PC: variants seen among roughly 807,000 people sequenced by gnomAD.
The protein encoded by PC is pyruvate carboxylase, mitochondrial.
In PC, 46 loss-of-function variants were observed where a neutral mutation model predicts 107.8. The ratio of observed to expected loss-of-function variants is 0.43; its 90% CI spans 0.34 to 0.55. The LOEUF is 0.55. Among genes scored for constraint, PC ranks in the 20% least tolerant of loss-of-function variants. The pLI, the probability that PC is intolerant of heterozygous loss-of-function variation, is 0.04. For missense variants in PC, 1,241 were observed against 1,643.1 expected, an observed-to-expected ratio of 0.76 and a Z score of 4.23; for synonymous variants, 662 against 684.7, an observed-to-expected ratio of 0.97 and a Z score of 0.52.
chr11:66,891,424 G>C (rs1591236650), intron 3 of PC, among the ~76,000 whole-genome samples: 1 of 149,384 alleles, frequency 6.7e-6, no homozygotes, highest in East Asian at 2.0e-4. Context: ...ACAGAGTTTT[G>C]CTCTTGTTGC....
chr11:66,873,424 T>TA (rs1946825792), intron 3 of PC, among the ~76,000 whole-genome samples: 2 of 84,174 alleles, frequency 2.4e-5, no homozygotes, highest in Non-Finnish European at 4.1e-5. Flanking sequence ...ATATAATATA[T>TA]TATATATATT....
chr11:66,952,527 C>G (rs954300019), intron 2 of PC, 59 bp from the exon 3 acceptor site: 4 of 152,240 alleles, frequency 2.6e-5, no homozygotes, highest in African/African-American at 9.7e-5. Flanking sequence ...CCAGAGAAAA[C>G]AGGAGTGGCA....
At position 66,849,854 on chromosome 11, in the gene PC, C is replaced by T; in HGVS notation, c.2904G>A (p.Leu968=). The part of the protein sequence containing the change: ...GFPEPFRSKV[L]KDLPRVEGRP... ...GCCCCTCCACCCTTGGCAGGTCCTT[C>T]AGTACCTGGGGAGCAAAGCAGAGGA... The change falls in exon 21 of 23, where the codon CTG becomes CTA. Residue 968 remains leucine (L), a synonymous_variant. Coordinates refer to ENST00000393960, the MANE Select transcript of PC (RefSeq NM_001040716.2). 6.2e-7 allele frequency: 1 copy of T among 1,613,746 alleles called. No individual in the cohort carries two copies. The highest frequency in any genetic ancestry group is 8.5e-7 in the Non-Finnish European group (1 of 1,180,022).
chr11:66,859,575 G>T, intron 12 of PC: 6 of 1,602,552 alleles, frequency 3.7e-6, no homozygotes, highest in Non-Finnish European at 5.1e-6. Flanking sequence ...GCACGGGAGT[G>T]GGGAGGTGAG....
chr11:66,863,716 G>C (rs45571833), intron 12 of PC, 58 bp downstream of exon 12: 9 of 1,541,484 alleles, frequency 5.8e-6, no homozygotes, highest in Middle Eastern at 2.2e-4. Flanking sequence ...GGAAGTGAAC[G>C]GTCAGGGGGC....
chr11:66,878,873 G>A (rs1947080695), intron 3 of PC, among the ~76,000 whole-genome samples: 1 of 152,302 alleles, frequency 6.6e-6, no homozygotes, highest in African/African-American at 2.4e-5. Flanking sequence ...ACAGCCCAGC[G>A]CAGGCCCACA....
chr11:66,873,484 A>T lies in PC; in HGVS notation c.1-1325T>A, dbSNP rs866359901. The stretch of plus-strand genomic sequence containing the variant: ...TATATTATATATAATATAATATATA[A>T]TATTATATATATTATATAATATTAT... On this transcript the variant is annotated intron_variant, in intron 3 of 22. Transcript: ENST00000393960. Among the ~76,000 whole-genome samples the T allele has an allele frequency of 1.7e-3, 113 of 65,256 alleles. 1 individual carries two copies. Among genetic ancestry groups the T allele is most frequent in the Middle Eastern group, 5.5e-3 (1 of 182 alleles). 42.8% of individuals were successfully genotyped at this position (65,256 alleles called of 152,430 possible).
chr11:66,903,739 G>A (rs1363522886), intron 3 of PC, among the ~76,000 whole-genome samples: 4 of 94,000 alleles, frequency 4.3e-5, no homozygotes, highest in Non-Finnish European at 5.7e-5. Context: ...CAGAGTGAGA[G>A]ACTCCATCTC....
At chr11:66,886,722 C>T (rs181302795) in intron 3 of PC, among the ~76,000 whole-genome samples, 263 of 152,232 alleles carry the variant, frequency 1.7e-3, no homozygotes, top group Non-Finnish European at 2.0e-3. Flanking sequence ...TTAAAGAACG[C>T]GAAGCCAATG....
chr11:66,860,731 T>C, intron 12 of PC: 1 of 699,984 alleles, frequency 1.4e-6, no homozygotes, highest in South Asian at 1.5e-5. Context: ...AGAACGCCCC[T>C]TCCTGCCAGG....
chr11:66,851,300 C>T lies in PC; in HGVS notation c.1983-20G>A, dbSNP rs746578252. 1.3e-6 allele frequency: 2 copies of T among 1,599,672 alleles called. No homozygotes were observed. The highest frequency in any genetic ancestry group is 1.1e-5 in the South Asian group (1 of 91,050). Reference sequence around the variant, plus strand: ...CAGAACCTGCAAGGGTGAGAGAGCCCAGGGCTGAGCCCCACCCCACCTCCC... The same window carrying T: ...CAGAACCTGCAAGGGTGAGAGAGCCTAGGGCTGAGCCCCACCCCACCTCCC... On this transcript the variant is annotated intron_variant, in intron 16 of 22. Coordinates refer to ENST00000393960, the MANE Select transcript of PC (RefSeq NM_001040716.2).
intron 3 of PC, among the ~76,000 whole-genome samples, chr11:66,875,624 C>T (rs1254699058): frequency 3.9e-5 from 6 of 151,974 alleles, no homozygotes; most frequent in South Asian, 2.1e-4. Context: ...TGGGCAGAAG[C>T]GAGCGGCTCT....
chr11:66,860,135 C>T (rs768590374), intron 12 of PC: 74 of 1,549,436 alleles, frequency 4.8e-5, no homozygotes, highest in African/African-American at 2.2e-4. Flanking sequence ...GGGGGCTGCT[C>T]GGGGCAGGGT....
intron 3 of PC, among the ~76,000 whole-genome samples, chr11:66,936,309 T>C (rs941308253): frequency 1.3e-5 from 2 of 151,560 alleles, no homozygotes; most frequent in Non-Finnish European, 2.9e-5. Context: ...ATAAAAAAAC[T>C]ATAAAGTGCT....
At chr11:66,888,218 C>A (rs1591230175) in intron 3 of PC, among the ~76,000 whole-genome samples, 2 of 152,250 alleles carry the variant, frequency 1.3e-5, no homozygotes, top group South Asian at 4.1e-4. Context: ...GGGTCACACA[C>A]AACTGTCTTC....
chr11:66,898,958 C>T (rs1011273937), intron 3 of PC, among the ~76,000 whole-genome samples: 3 of 152,182 alleles, frequency 2.0e-5, no homozygotes, highest in South Asian at 4.1e-4. Flanking sequence ...ACAACCTCTG[C>T]CTCCCGGGTT....
rs148281644 is a variant in PC at position 66,863,798 on chromosome 11, C to T, written c.1344G>A (p.Ala448=). The T allele has an allele frequency of 2.5e-4, 405 of 1,612,820 alleles. 4 individuals are homozygous for T. The African/African-American group carries it at 4.2e-3, about 17-fold the overall frequency. The change falls in exon 12 of 23, where the codon GCG becomes GCA. Residue 448 remains alanine, a synonymous_variant. Coordinates refer to ENST00000393960, the MANE Select transcript of PC (RefSeq NM_001040716.2). ...TAATKMSRAL[A]EFRVRGVKTN... ...CCTTCACACCTCGGACGCGGAACTC[C>T]GCAAGGGCCCTGCTCATCTTGGTGG...
At chr11:66,891,557 C>T (rs1384918381) in intron 3 of PC, among the ~76,000 whole-genome samples, 2 of 150,816 alleles carry the variant, frequency 1.3e-5, no homozygotes, top group Admixed American at 6.6e-5. Flanking sequence ...CCATGCCCGA[C>T]TAATTTTGTA....
chr11:66,872,139 G>T lies in PC; in HGVS notation c.21C>A (p.Val7=). 6.3e-7 allele frequency: 1 copy of T among 1,581,906 alleles called. No homozygotes were observed. The highest frequency in any genetic ancestry group is 1.3e-5 in the African/African-American group (1 of 74,120). The change falls in exon 4 of 23, where the codon GTC becomes GTA. Residue 7 remains valine (V), a synonymous_variant. Transcript: ENST00000393960. ...TTCCCAGGAGCCTCAGGCCCCCATG[G>T]ACTGTTCGGAACTTCAGCATCTAGG... is the stretch of plus-strand genomic sequence containing the variant. MLKFRT[V]HGGLRLLGIR... is the part of the protein sequence containing the mutation.
Sources: gnomAD v4.1 joint callset for allele counts (sites outside exome capture counted in the v4.1 genomes callset) on GRCh38, gnomAD v4.1.1 for gene constraint, MANE v1.5 for transcripts, NCBI Gene and HGNC (gene_info 2026-07-23, HGNC 2026-07-21) for gene names.